Variants in KIAA0586 observed in about 807,000 individuals in gnomAD.
KIAA0586 encodes KIAA0586, also known as protein TALPID3.
In KIAA0586, 144 loss-of-function variants were observed where a neutral mutation model predicts 169.8. The ratio of observed to expected loss-of-function variants is 0.85; its 90% CI spans 0.74 to 0.97. KIAA0586 has a LOEUF of 0.97. KIAA0586 is among the 50% of genes least tolerant of loss of function. The pLI, the probability that KIAA0586 is intolerant of heterozygous loss-of-function variation, is 0.00. For missense variants in KIAA0586, 1,854 were observed against 1,823.0 expected (o/e 1.02, Z -0.31); for synonymous variants, 625 against 612.4 (o/e 1.02, Z -0.30).
At chr14:58,478,038 G>T (rs2041777326) in intron 20 of KIAA0586, among the ~76,000 whole-genome samples, 1 of 151,912 alleles carries the variant, frequency 6.6e-6, no homozygotes, top group Admixed American at 6.6e-5. Context: ...TTAGAGCCAG[G>T]GTCTCCCTCT....
intron 29 of KIAA0586, among the ~76,000 whole-genome samples, chr14:58,531,342 T>TA (rs759051141): frequency 4.9e-5 from 7 of 142,474 alleles, no homozygotes; most frequent in Middle Eastern, 3.6e-3. Context: ...AAAAAAAAAA[T>TA]AAAATAAATA....
chr14:58,548,189 T>C lies in KIAA0586; in HGVS notation c.*257T>C. ...ATAGAGTAGTGAAAGGGCATGGCTT[T>C]TGACATCTAGGCATTTAATCTATAG... On this transcript the variant is annotated 3_prime_UTR_variant, in exon 31 of 31. Coordinates refer to ENST00000652326, the MANE Select transcript of KIAA0586 (RefSeq NM_001329943.3). 1 of 361,518 alleles carries C rather than the reference T, an allele frequency of 2.8e-6. No homozygotes were observed. Among genetic ancestry groups the C allele is most frequent in the East Asian group, 4.5e-5 (1 of 22,282 alleles). 22.4% of individuals were successfully genotyped at this position (361,518 alleles called of 1,614,324 possible).
chr14:58,524,678 G>A (rs1041603397), intron 29 of KIAA0586, among the ~76,000 whole-genome samples: 12 of 152,160 alleles, frequency 7.9e-5, no homozygotes, highest in Admixed American at 7.2e-4. Flanking sequence ...ACCTCTCTGT[G>A]CTATTCTTAT....
At chr14:58,558,943 G>C in the KIAA0586 span, among the ~76,000 whole-genome samples, 1 of 152,202 alleles carries the variant, frequency 6.6e-6, no homozygotes, top group Non-Finnish European at 1.5e-5. Context: ...AATTTATAAG[G>C]ATCAATCTGA....
chr14:58,517,695 A>G (rs967559107), intron 29 of KIAA0586, among the ~76,000 whole-genome samples: 1 of 152,232 alleles, frequency 6.6e-6, no homozygotes, highest in African/African-American at 2.4e-5. Context: ...AGTTTATTTT[A>G]TAATTACCCA....
At chr14:58,448,094 G>A (rs774905135) in intron 6 of KIAA0586, among the ~76,000 whole-genome samples, 2 of 152,174 alleles carry the variant, frequency 1.3e-5, no homozygotes, top group Non-Finnish European at 2.9e-5. Flanking sequence ...CTGAGGTTTA[G>A]AATGGTTAAG....
At chr14:58,538,273 A>AAC in intron 29 of KIAA0586, among the ~76,000 whole-genome samples, 2 of 152,232 alleles carry the variant, frequency 1.3e-5, no homozygotes, top group Non-Finnish European at 2.9e-5. Flanking sequence ...ATAAAACATT[A>AAC]AATTTTCTAC....
chr14:58,440,730 T>A (rs1354861049), intron 4 of KIAA0586, among the ~76,000 whole-genome samples: 1 of 152,010 alleles, frequency 6.6e-6, no homozygotes, highest in Non-Finnish European at 1.5e-5. Context: ...TTATGCTAAG[T>A]GAAATAAGCC....
chr14:58,524,700 T>C (rs542220700), intron 29 of KIAA0586, among the ~76,000 whole-genome samples: 78 of 152,358 alleles, frequency 5.1e-4, no homozygotes, highest in African/African-American at 1.8e-3. Flanking sequence ...TGTAATATAG[T>C]ATAGATATTT....
chr14:58,466,460 G>A (rs1171848567), intron 15 of KIAA0586, among the ~76,000 whole-genome samples: 1 of 152,076 alleles, frequency 6.6e-6, no homozygotes, highest in Non-Finnish European at 1.5e-5. Context: ...TTTTGGCTGG[G>A]CACAGTGGCT....
At chr14:58,536,661 G>A (rs2046309340) in intron 29 of KIAA0586, among the ~76,000 whole-genome samples, 1 of 152,172 alleles carries the variant, frequency 6.6e-6, no homozygotes, top group Non-Finnish European at 1.5e-5. Flanking sequence ...AAGGCACAGT[G>A]TGTACAAGTA....
At chr14:58,560,414 G>C in the KIAA0586 span, among the ~76,000 whole-genome samples, 2 of 152,320 alleles carry the variant, frequency 1.3e-5, no homozygotes, top group Admixed American at 1.3e-4. Context: ...ACTTGTCTGA[G>C]AGCTGTGGAA....
At position 58,466,894 on chromosome 14, in the gene KIAA0586, CA is replaced by C. The variant is rs368231444; in HGVS notation, c.2255-839del. ...AGCTGTGTGGGTGTGTAATCTAAGC[CA>C]ATAGTTGTTTATTTACTTATTTGCC... On this transcript the variant is annotated intron_variant, in intron 15 of 30. Coordinates refer to ENST00000652326, the MANE Select transcript of KIAA0586 (RefSeq NM_001329943.3). 5.3e-3 allele frequency among the ~76,000 whole-genome samples: 808 copies of C among 152,064 alleles called. 11 individuals are homozygous for C. Among genetic ancestry groups the C allele is most frequent in the African/African-American group, 0.019 (787 of 41,460 alleles).
At position 58,428,236 on chromosome 14, in the gene KIAA0586, A is replaced by C. The variant is rs752709426; in HGVS notation, c.-29A>C. On this transcript the variant is annotated 5_prime_UTR_variant, in exon 1 of 31. Coordinates refer to ENST00000652326, the MANE Select transcript of KIAA0586 (RefSeq NM_001329943.3). The stretch of plus-strand genomic sequence containing the variant: ...AACAGAGAAAGTTTTTCCGTCCTTA[A>C]GTGTGGGACTTGTTTTGTGACCAAC... The C allele has an allele frequency of 5.6e-6, 9 of 1,605,194 alleles. 1 individual carries two copies. In the South Asian group the frequency reaches 6.7e-5, roughly 12 times the overall value.
intron 2 of KIAA0586, 100 bp downstream of exon 2, chr14:58,429,533 T>C: frequency 2.7e-6 from 2 of 751,868 alleles, no homozygotes; most frequent in Non-Finnish European, 4.8e-6. Flanking sequence ...GCCTTGTTTT[T>C]ATTTAAATAT....
At chr14:58,449,206 A>C (rs1440720056) in intron 7 of KIAA0586, among the ~76,000 whole-genome samples, 1 of 152,212 alleles carries the variant, frequency 6.6e-6, no homozygotes, top group African/African-American at 2.4e-5. Flanking sequence ...CAGTCATTAA[A>C]GATTGCTCAT....
At position 58,530,190 on chromosome 14, in the gene KIAA0586, A is replaced by AAGAG. The variant is rs548414191; in HGVS notation, c.4430-9879_4430-9878insAGAG. Among the ~76,000 whole-genome samples the AAGAG allele has an allele frequency of 3.3e-3, 507 of 152,148 alleles. 7 individuals carry two copies. The highest frequency in any genetic ancestry group is 0.012 in the African/African-American group (482 of 41,532). On this transcript the variant is annotated intron_variant, in intron 29 of 30. Transcript: ENST00000652326. ...ACTACAAACCACTGCTCAAGGAAAT[A>AAGAG]AGGACACAAACAAATGGCAAAACAT...
At chr14:58,429,020 C>T (rs1278122193) in intron 1 of KIAA0586, among the ~76,000 whole-genome samples, 1 of 152,144 alleles carries the variant, frequency 6.6e-6, no homozygotes, top group Non-Finnish European at 1.5e-5. Context: ...GGGGATACAG[C>T]GGTGACACTC....
At chr14:58,451,180 G>A (rs1566809930) in intron 8 of KIAA0586, among the ~76,000 whole-genome samples, 2 of 151,456 alleles carry the variant, frequency 1.3e-5, no homozygotes, top group Admixed American at 6.6e-5. Context: ...TAGTAAAGGC[G>A]GGGTTTCACC....
Sources: gnomAD v4.1 joint callset for allele counts (sites outside exome capture counted in the v4.1 genomes callset) on GRCh38, gnomAD v4.1.1 for gene constraint, MANE v1.5 for transcripts, NCBI Gene and HGNC (gene_info 2026-07-23, HGNC 2026-07-21) for gene names.